TIMP3: variants seen among roughly 807,000 people sequenced by gnomAD.
TIMP3 encodes the protein TIMP metallopeptidase inhibitor 3.
TIMP3 carries 11 observed loss-of-function variants against 30.0 expected under a neutral mutation model. The observed-to-expected ratio is 0.37, with a 90% CI of 0.23 to 0.61. The LOEUF (loss-of-function observed/expected upper bound fraction) is 0.61, where lower values mean the gene tolerates loss of function less well. TIMP3 is among the 20% of genes least tolerant of loss of function. The probability of loss-of-function intolerance (pLI) is 0.70; values close to 1 mark genes in which losing one functional copy is unlikely to be tolerated. For missense variants in TIMP3, 181 were observed against 276.8 expected (o/e 0.65, Z 2.45); for synonymous variants, 112 against 111.3 (o/e 1.01, Z -0.04).
chr22:32,812,192 TC>T (rs1210057299), intron 1 of TIMP3, among the ~76,000 whole-genome samples: 1 of 152,168 alleles, frequency 6.6e-6, no homozygotes, highest in African/African-American at 2.4e-5. Flanking sequence ...GGCTCTAAGT[TC>T]CCTTGGAAAG....
In TIMP3 at chr22:32,828,333, A is replaced by C. The variant is rs146600930; in HGVS notation, c.122-21119A>C. 5.1e-4 allele frequency among the ~76,000 whole-genome samples: 78 copies of C among 152,330 alleles called. No homozygotes were observed. In the East Asian group the frequency reaches 0.013, roughly 26 times the overall value. On this transcript the variant is annotated intron_variant, in intron 1 of 4. Coordinates refer to ENST00000266085, the MANE Select transcript of TIMP3 (RefSeq NM_000362.5). ...TTAGGAGCAGACAGCTTCTTAGGACAACATTCTTTTATGTTGATGTGAAGT... is the reference window on the plus strand; with the variant it reads ...TTAGGAGCAGACAGCTTCTTAGGACCACATTCTTTTATGTTGATGTGAAGT...
In TIMP3 at chr22:32,801,998, G is replaced by A; in HGVS notation, c.-4G>A. On this transcript the variant is annotated 5_prime_UTR_variant, in exon 1 of 5. Coordinates refer to ENST00000266085, the MANE Select transcript of TIMP3 (RefSeq NM_000362.5). The surrounding 1 kb of genome is among the most constrained non-coding windows in gnomAD (Gnocchi z 4.7). ...CAGCCCCGGCAGCGGCGGCAGCAGC[G>A]GCAATGACCCCTTGGCTCGGGCTCA... 1 of 1,584,722 alleles carries A rather than the reference G, an allele frequency of 6.3e-7. No individual in the cohort carries two copies. The highest frequency in any genetic ancestry group is 8.5e-7 in the Non-Finnish European group (1 of 1,171,734).
rs1236053840 is a variant in TIMP3 at position 32,862,402 on chromosome 22, C to T, written c.*3025C>T. 6.6e-6 allele frequency: 1 copy of T among 152,224 alleles called. No individual in the cohort carries two copies. The highest frequency in any genetic ancestry group is 2.4e-5 in the African/African-American group (1 of 41,448). 9.4% of individuals were successfully genotyped at this position (152,224 alleles called of 1,614,324 possible). A position where few individuals can be genotyped will look rare whatever the true frequency, so the allele number is the denominator to read the frequency against. On this transcript the variant is annotated 3_prime_UTR_variant, in exon 5 of 5. Transcript: ENST00000266085. Reference sequence around the variant, plus strand: ...CCCTCCCCTCGTTCCAGACCTGCCTCATGGTGGCAACATGGTTCTTGAACA... The same window carrying T: ...CCCTCCCCTCGTTCCAGACCTGCCTTATGGTGGCAACATGGTTCTTGAACA...
chr22:32,843,132 C>A (rs2047961188), intron 1 of TIMP3, among the ~76,000 whole-genome samples: 1 of 152,094 alleles, frequency 6.6e-6, no homozygotes, highest in South Asian at 2.1e-4. Flanking sequence ...GCTACCTGAT[C>A]CTCATTGTCC....
intron 1 of TIMP3, among the ~76,000 whole-genome samples, chr22:32,805,026 C>T (rs895863017): frequency 8.2e-4 from 124 of 151,830 alleles, no homozygotes; most frequent in Non-Finnish European, 1.3e-3. Context: ...TGCGTGTGTG[C>T]GTGTGTGTGT....
intron 1 of TIMP3, among the ~76,000 whole-genome samples, chr22:32,840,929 T>C (rs1445819232): frequency 2.6e-5 from 4 of 152,220 alleles, no homozygotes; most frequent in Non-Finnish European, 5.9e-5. Context: ...TATCCCTGTA[T>C]ACGTCTTCAC....
chr22:32,802,118 C>A lies in TIMP3; in HGVS notation c.117C>A (p.Asp39Glu). Residue 39 changes from aspartate (D) to glutamate (E), a missense_variant, in exon 1 of 5, where the codon GAC becomes GAA. Coordinates refer to ENST00000266085, the MANE Select transcript of TIMP3 (RefSeq NM_000362.5). ...CCCAGGACGCCTTCTGCAACTCCGA[C>A]ATCGGTAAGCGCTCCTGGTGCCCCG... ...SHPQDAFCNS[D>E]IVIRAKVVGK... is the part of the protein sequence containing the mutation. The A allele has an allele frequency of 6.3e-7, 1 of 1,582,106 alleles. No individual in the cohort carries two copies. Among genetic ancestry groups the A allele is most frequent in the African/African-American group, 1.3e-5 (1 of 74,684 alleles).
At chr22:32,855,734 C>T (rs576096255) in intron 2 of TIMP3, among the ~76,000 whole-genome samples, 1 of 152,314 alleles carries the variant, frequency 6.6e-6, no homozygotes, top group African/African-American at 2.4e-5. Context: ...TCCCTACCCT[C>T]TACGAACTGT....
intron 1 of TIMP3, among the ~76,000 whole-genome samples, chr22:32,846,312 T>C (rs1309891082): frequency 1.3e-5 from 2 of 152,252 alleles, no homozygotes; most frequent in Non-Finnish European, 2.9e-5. Context: ...CACCTCTCCC[T>C]GAAGTTCTGT....
chr22:32,813,466 T>C (rs1249996617), intron 1 of TIMP3, among the ~76,000 whole-genome samples: 1 of 147,580 alleles, frequency 6.8e-6, no homozygotes. Flanking sequence ...AAATTTTTAA[T>C]GTAACATCTT....
At chr22:32,855,232 G>A (rs1446444242) in intron 2 of TIMP3, among the ~76,000 whole-genome samples, 1 of 152,108 alleles carries the variant, frequency 6.6e-6, no homozygotes, top group South Asian at 2.1e-4. Flanking sequence ...TCACAGTATC[G>A]CCTTGGCACA....
chr22:32,843,469 G>A (rs1354266639), intron 1 of TIMP3, among the ~76,000 whole-genome samples: 10 of 152,152 alleles, frequency 6.6e-5, no homozygotes, highest in African/African-American at 1.4e-4. Context: ...GCTCCAGGCC[G>A]ACCTCCCTGT....
chr22:32,837,601 C>A lies in TIMP3; in HGVS notation c.122-11851C>A, dbSNP rs935715628. Among the ~76,000 whole-genome samples the A allele has an allele frequency of 6.6e-6, 1 of 152,078 alleles. No homozygotes were observed. The highest frequency in any genetic ancestry group is 2.4e-5 in the African/African-American group (1 of 41,404). ...AATGGGATGTGCACTGGAATGAGATCATTTGTGGTTCTGATGCAAAGACCC... is the reference window on the plus strand; with the variant it reads ...AATGGGATGTGCACTGGAATGAGATAATTTGTGGTTCTGATGCAAAGACCC... On this transcript the variant is annotated intron_variant, in intron 1 of 4. Coordinates refer to ENST00000266085, the MANE Select transcript of TIMP3 (RefSeq NM_000362.5). The surrounding 1 kb of genome is among the most constrained non-coding windows in gnomAD (Gnocchi z 4.1).
In TIMP3 at chr22:32,837,772, C is replaced by T. The variant is rs1220982502; in HGVS notation, c.122-11680C>T. ...ATCACTAGCCTCAGGGAGTAGAAGCCCACCTAAGAAATGGCACTGTCCCAT... is the reference window on the plus strand; with the variant it reads ...ATCACTAGCCTCAGGGAGTAGAAGCTCACCTAAGAAATGGCACTGTCCCAT... On this transcript the variant is annotated intron_variant, in intron 1 of 4. Coordinates refer to ENST00000266085, the MANE Select transcript of TIMP3 (RefSeq NM_000362.5). This position sits in a 1 kb window ranked among gnomAD's most constrained non-coding sequence, Gnocchi z 4.1. Among the ~76,000 whole-genome samples the T allele has an allele frequency of 6.6e-6, 1 of 152,034 alleles. No homozygotes were observed. Among genetic ancestry groups the T allele is most frequent in the Non-Finnish European group, 1.5e-5 (1 of 68,010 alleles).
intron 1 of TIMP3, among the ~76,000 whole-genome samples, chr22:32,830,399 C>A (rs781407689): frequency 6.6e-6 from 1 of 151,964 alleles, no homozygotes; most frequent in East Asian, 1.9e-4. Context: ...ATGCTTTGCC[C>A]GACAGTCTAT....
At chr22:32,828,707 C>T (rs1474644956) in intron 1 of TIMP3, among the ~76,000 whole-genome samples, 1 of 152,198 alleles carries the variant, frequency 6.6e-6, no homozygotes, top group Non-Finnish European at 1.5e-5. Context: ...GGAGTTCTTA[C>T]CTACCCACTA....
At position 32,859,675 on chromosome 22, in the gene TIMP3, A is replaced by AT. The variant is rs2048481465; in HGVS notation, c.*305dup. On this transcript the variant is annotated 3_prime_UTR_variant, in exon 5 of 5. Coordinates refer to ENST00000266085, the MANE Select transcript of TIMP3 (RefSeq NM_000362.5). Reference sequence around the variant, plus strand: ...TCTTCTTCGTGATAATATAATCTCTATTTTTTTAGGAAAACAAAAATGAAA... The same window carrying AT: ...TCTTCTTCGTGATAATATAATCTCTATTTTTTTTAGGAAAACAAAAATGAAA... 1 of 376,760 alleles carries AT rather than the reference A, an allele frequency of 2.7e-6. No homozygotes were observed. Among genetic ancestry groups the AT allele is most frequent in the East Asian group, 5.3e-5 (1 of 19,026 alleles). 23.3% of individuals were successfully genotyped at this position (376,760 alleles called of 1,614,324 possible).
At chr22:32,855,164 A>T (rs1309425550) in intron 2 of TIMP3, among the ~76,000 whole-genome samples, 3 of 152,228 alleles carry the variant, frequency 2.0e-5, no homozygotes, top group Non-Finnish European at 4.4e-5. Context: ...AACTGAGGGG[A>T]TAACAGAATT....
chr22:32,831,103 T>C (rs1472251306), intron 1 of TIMP3, among the ~76,000 whole-genome samples: 1 of 152,198 alleles, frequency 6.6e-6, no homozygotes, highest in African/African-American at 2.4e-5. Flanking sequence ...AGGTTCAGGT[T>C]GGGCTGAGGT....
Sources: gnomAD v4.1 joint callset for allele counts (sites outside exome capture counted in the v4.1 genomes callset) on GRCh38, gnomAD v4.1.1 for gene constraint, Gnocchi (gnomAD v3.1) non-coding constraint, MANE v1.5 for transcripts, NCBI Gene and HGNC (gene_info 2026-07-23, HGNC 2026-07-21) for gene names.